The following CREB3L4 variants were observed in gnomAD, a reference collection of about 807,000 sequenced individuals.
The protein encoded by CREB3L4 is cyclic AMP-responsive element-binding protein 3-like protein 4.
A neutral mutation model predicts 37.0 loss-of-function variants in CREB3L4; 28 were observed. The ratio of observed to expected loss-of-function variants is 0.76; its 90% confidence interval spans 0.56 to 1.04. The LOEUF (loss-of-function observed/expected upper bound fraction) is 1.04, where lower values mean the gene tolerates loss of function less well. Among genes scored for constraint, CREB3L4 ranks in the 50% least tolerant of loss-of-function variants. CREB3L4 has a pLI of 0.00. For missense variants in CREB3L4, 462 were observed against 486.0 expected (o/e 0.95, Z 0.46); for synonymous variants, 175 against 192.2 (o/e 0.91, Z 0.74).
At chr1:153,970,383 T>A (rs1249415272) in intron 4 of CREB3L4, among the ~76,000 whole-genome samples, 2 of 152,172 alleles carry the variant, frequency 1.3e-5, no homozygotes, top group Admixed American at 6.5e-5. Flanking sequence ...GCCAGAGCCA[T>A]TATCTCAGCC....
chr1:153,972,121 C>A (rs1571114727), intron 4 of CREB3L4, among the ~76,000 whole-genome samples: 1 of 152,206 alleles, frequency 6.6e-6, no homozygotes, highest in Non-Finnish European at 1.5e-5. Context: ...CTGTGCCCGG[C>A]CACATACATC....
At chr1:153,968,747 T>C in intron 2 of CREB3L4, 48 bp downstream of exon 2, 3 of 1,606,640 alleles carry the variant, frequency 1.9e-6, no homozygotes, top group Non-Finnish European at 1.7e-6. Flanking sequence ...CACAACTCTG[T>C]GATAAGAGGC....
Position 153,973,565 on chromosome 1 carries a change from C to T in CREB3L4, c.898-55C>T, listed in dbSNP as rs1182142115. Reference sequence around the variant, plus strand: ...TCCCACATCCGATAACCCCAGCTGGCCTCCGTTCACTCTACCCCCTGCTCC... The same window carrying T: ...TCCCACATCCGATAACCCCAGCTGGTCTCCGTTCACTCTACCCCCTGCTCC... On this transcript the variant is annotated intron_variant, in intron 8 of 9. Transcript: ENST00000368607. 6.4e-5 allele frequency: 101 copies of T among 1,568,280 alleles called. 1 individual carries two copies. The South Asian group carries it at 1.1e-3, about 17-fold the overall frequency.
At position 153,969,163 on chromosome 1, in the gene CREB3L4, C is replaced by T. The variant is rs376194614; in HGVS notation, c.408C>T (p.Ile136=). 18 of 1,614,028 alleles carry T rather than the reference C, an allele frequency of 1.1e-5. No homozygotes were observed. Among genetic ancestry groups the T allele is most frequent in the Non-Finnish European group, 1.5e-5 (18 of 1,180,038 alleles). ...AAACTGGGCCAAATGTAGGCCTTATCTCCATCCAGCTAGGTCAGTGTTCTT... is the reference window on the plus strand; with the variant it reads ...AAACTGGGCCAAATGTAGGCCTTATTTCCATCCAGCTAGGTCAGTGTTCTT... ...QGETGPNVGL[I]SIQLDQWSPA... The change falls in exon 3 of 10, where the codon ATC becomes ATT. Residue 136 remains isoleucine (I), a synonymous_variant. Coordinates refer to ENST00000368607, the MANE Select transcript of CREB3L4 (RefSeq NM_001255978.2).
intron 4 of CREB3L4, 141 bp from the exon 5 acceptor site, chr1:153,972,603 C>T (rs1648482878): frequency 4.7e-6 from 3 of 642,730 alleles, no homozygotes; most frequent in African/African-American, 1.8e-5. Flanking sequence ...AGTCTCTGCC[C>T]CTCACCTCAC....
intron 4 of CREB3L4, among the ~76,000 whole-genome samples, chr1:153,971,066 G>T (rs1393648392): frequency 1.6e-5 from 2 of 122,384 alleles, no homozygotes; most frequent in African/African-American, 6.2e-5. Context: ...CTTGAGCTGA[G>T]GAACCTTTAA....
Position 153,973,004 on chromosome 1 carries a change from G to A in CREB3L4, c.669G>A (p.Arg223=), listed in dbSNP as rs765867088. ...AGAGGGTCCTCAAGAAGGTCAGGAG[G>A]AAAATCCGTAACAAGCAGTCAGCTC... is the stretch of plus-strand genomic sequence containing the variant. ...AEERVLKKVR[R]KIRNKQSAQD... Residue 223 remains arginine, a synonymous_variant, in exon 6 of 10, where the codon AGG becomes AGA. Transcript: ENST00000368607. 1 of 1,614,172 alleles carries A rather than the reference G, an allele frequency of 6.2e-7. No individual in the cohort carries two copies. Among genetic ancestry groups the A allele is most frequent in the Non-Finnish European group, 8.5e-7 (1 of 1,180,042 alleles).
rs1045031324 is a variant in CREB3L4 at position 153,973,060 on chromosome 1, T to C, written c.725T>C (p.Ile242Thr). 6.8e-6 allele frequency: 11 copies of C among 1,614,088 alleles called. No homozygotes were observed. The highest frequency in any genetic ancestry group is 5.5e-5 in the South Asian group (5 of 91,086). The change falls in exon 6 of 10, where the codon ATT becomes ACT. Residue 242 changes from isoleucine to threonine, a missense_variant. Transcript: ENST00000368607. Reference protein sequence around the residue: ...QDSRRRKKEYIDGLESRVAAC... With the variant: ...QDSRRRKKEYTDGLESRVAAC... ...AGTCGGCGGCGGAAGAAGGAGTACA[T>C]TGATGGGCTGGAGAGCAGGTACGCC...
chr1:153,973,849 G>T (rs1648653926), intron 9 of CREB3L4, 23 bp from the exon 10 acceptor site: 2 of 1,611,552 alleles, frequency 1.2e-6, no homozygotes, highest in Non-Finnish European at 1.7e-6. Context: ...CTCTACTACT[G>T]CCCTCTTGCC....
chr1:153,972,866 C>G (rs761421786), intron 5 of CREB3L4, 30 bp downstream of exon 5: 4 of 1,608,130 alleles, frequency 2.5e-6, no homozygotes. Flanking sequence ...GGTATCCCAA[C>G]CCAGGGGCCT....
intron 4 of CREB3L4, among the ~76,000 whole-genome samples, chr1:153,970,609 C>T (rs1015440269): frequency 1.3e-5 from 2 of 152,132 alleles, no homozygotes; most frequent in African/African-American, 4.8e-5. Flanking sequence ...GGGGACTATG[C>T]TCAGATCACT....
At position 153,973,395 on chromosome 1, in the gene CREB3L4, G is replaced by A. The variant is rs763133634; in HGVS notation, c.828G>A (p.Gln276=). Residue 276 remains glutamine (Q), a synonymous_variant, in exon 8 of 10, where the codon CAG becomes CAA. Transcript: ENST00000368607. ...CCTTTCCCAGCTCCTTGGTAGCTCA[G>A]CTCCGCCAGCTGCAGACGCTAATTG... The part of the protein sequence containing the change: ...LERHNISLVA[Q]LRQLQTLIAQ... 73 of 1,613,984 alleles carry A rather than the reference G, an allele frequency of 4.5e-5. No homozygotes were observed. Among genetic ancestry groups the A allele is most frequent in the Non-Finnish European group, 5.3e-5 (63 of 1,180,032 alleles).
At position 153,969,318 on chromosome 1, in the gene CREB3L4, C is replaced by G. The variant is rs760964123; in HGVS notation, c.422-16C>G. 7 of 1,614,214 alleles carry G rather than the reference C, an allele frequency of 4.3e-6. No homozygotes were observed. The highest frequency in any genetic ancestry group is 1.7e-5 in the Admixed American group (1 of 60,030). ...CCTAAGTCTCCTTTCTCCCAGCTAC[C>G]TGTTTTCTACTCCAGATCAGTGGAG... On this transcript the variant is annotated splice_polypyrimidine_tract_variant and intron_variant, in intron 3 of 9. Transcript: ENST00000368607.
chr1:153,971,587 C>CTTTTTTTT (rs55930906), intron 4 of CREB3L4, among the ~76,000 whole-genome samples: 108 of 107,424 alleles, frequency 1.0e-3, no homozygotes, highest in East Asian at 3.8e-3. Context: ...TTTTCTTTTT[C>CTTTTTTTT]TTTTTTTTTT....
rs200948716 is a variant in CREB3L4 at position 153,973,613 on chromosome 1, C to T, written c.898-7C>T. On this transcript the variant is annotated splice_polypyrimidine_tract_variant and splice_region_variant and intron_variant, in intron 8 of 9. Transcript: ENST00000368607. ...TCCCTTCATCTGTTCCTCTTGCTTCCTCCCAGATTCTTCTTTTTTCCCTGG... is the reference window on the plus strand; with the variant it reads ...TCCCTTCATCTGTTCCTCTTGCTTCTTCCCAGATTCTTCTTTTTTCCCTGG... 3.1e-5 allele frequency: 50 copies of T among 1,610,534 alleles called. No homozygotes were observed. In the African/African-American group the frequency reaches 4.3e-4, roughly 14 times the overall value.
At chr1:153,968,810 G>A (rs1305735196) in intron 2 of CREB3L4, 111 bp downstream of exon 2, 10 of 1,528,374 alleles carry the variant, frequency 6.5e-6, no homozygotes, top group South Asian at 2.4e-5. Context: ...CAAAATAGAC[G>A]TAAGTTGTAT....
At position 153,969,542 on chromosome 1, in the gene CREB3L4, G is replaced by A. The variant is rs1434802820; in HGVS notation, c.543+87G>A. 6 of 1,487,574 alleles carry A rather than the reference G, an allele frequency of 4.0e-6. No homozygotes were observed. In the Admixed American group the frequency reaches 7.3e-5, roughly 18 times the overall value. The allele number at this position is 1,487,574 out of a possible 1,614,324, so 92.1% of individuals were successfully genotyped here. On this transcript the variant is annotated intron_variant, in intron 4 of 9. Transcript: ENST00000368607. ...GCAAAGGGATGAGGGAATGGAAACT[G>A]ATGATGAACTGCCTTTGCCCCGGTT...
rs1373415490 is a variant in CREB3L4 at position 153,972,950 on chromosome 1, TCA to T, written c.637-17_637-16del. On this transcript the variant is annotated intron_variant, in intron 5 of 9. Transcript: ENST00000368607. ...TGGGGGCAGGTGAAGGACCCAGGAC[TCA>T]CACATCCTGGGCCTCCAAGGCAGAG... 1 of 1,604,630 alleles carries T rather than the reference TCA, an allele frequency of 6.2e-7. No individual in the cohort carries two copies. Among genetic ancestry groups the T allele is most frequent in the African/African-American group, 1.3e-5 (1 of 74,730 alleles).
Position 153,968,543 on chromosome 1 carries a change from T to C in CREB3L4, c.18T>C (p.Pro6=), listed in dbSNP as rs1323679831. Residue 6 remains proline (P), a synonymous_variant, in exon 2 of 10, where the codon CCT becomes CCC. Coordinates refer to ENST00000368607, the MANE Select transcript of CREB3L4 (RefSeq NM_001255978.2). The stretch of plus-strand genomic sequence containing the variant: ...GCAGAAGCATGGATCTCGGAATCCC[T>C]GACCTGCTGGACGCGTGGCTGGAGC... MDLGI[P]DLLDAWLEPP... is the part of the protein sequence containing the mutation. The C allele has an allele frequency of 1.2e-6, 2 of 1,613,844 alleles. No homozygotes were observed. The highest frequency in any genetic ancestry group is 2.7e-5 in the African/African-American group (2 of 75,030).
Sources: allele counts gnomAD v4.1 joint callset (sites outside exome capture counted in the v4.1 genomes callset), GRCh38; gene constraint gnomAD v4.1.1; transcripts MANE v1.5; gene names NCBI Gene and HGNC (gene_info 2026-07-23, HGNC 2026-07-21).